The following OXR1 variants were observed in gnomAD, a reference collection of about 807,000 sequenced individuals.
OXR1 encodes oxidation resistance protein 1.
OXR1 carries 41 observed loss-of-function variants against 104.6 expected under a neutral mutation model. That is an observed-to-expected ratio of 0.39 (90% CI 0.31 to 0.51). The LOEUF is 0.51. Ranked by LOEUF, OXR1 falls within the 20% of genes least tolerant of loss-of-function variation. The pLI, the probability that OXR1 is intolerant of heterozygous loss-of-function variation, is 0.77. For missense variants in OXR1, 955 were observed against 1,031.9 expected (o/e 0.93, Z 1.02); for synonymous variants, 348 against 348.4 (o/e 1.00, Z 0.01).
chr8:106,306,426 T>C (rs971664029), intron 1 of OXR1, among the ~76,000 whole-genome samples: 1 of 152,038 alleles, frequency 6.6e-6, no homozygotes, highest in African/African-American at 2.4e-5. Context: ...ATTAAAATAG[T>C]TCAAGATATT....
At chr8:106,738,475 A>G (rs921456475) in intron 12 of OXR1, among the ~76,000 whole-genome samples, 9 of 152,242 alleles carry the variant, frequency 5.9e-5, no homozygotes, top group South Asian at 2.1e-4. Flanking sequence ...TTAAAGGAAC[A>G]AAATAATTTA....
At chr8:106,322,610 C>T (rs376887867) in intron 1 of OXR1, among the ~76,000 whole-genome samples, 16 of 152,224 alleles carry the variant, frequency 1.1e-4, no homozygotes, top group Middle Eastern at 3.4e-3. Context: ...TGTTTGCAGA[C>T]GACATGATTC....
chr8:106,424,858 T>C (rs1403376163), intron 2 of OXR1, among the ~76,000 whole-genome samples: 3 of 152,116 alleles, frequency 2.0e-5, no homozygotes, highest in Non-Finnish European at 4.4e-5. Flanking sequence ...TTAGTGAGGA[T>C]AAATGCTTTT....
chr8:106,517,737 C>G (rs1208843795), intron 2 of OXR1, among the ~76,000 whole-genome samples: 1 of 152,102 alleles, frequency 6.6e-6, no homozygotes, highest in Non-Finnish European at 1.5e-5. Context: ...TGTTGCCAAT[C>G]TGAGTTACGT....
At chr8:106,688,528 C>G (rs1337849475) in intron 6 of OXR1, among the ~76,000 whole-genome samples, 1 of 152,010 alleles carries the variant, frequency 6.6e-6, no homozygotes, top group Non-Finnish European at 1.5e-5. Context: ...ATTAAATCTT[C>G]CTTTTTAAGG....
intron 1 of OXR1, 46 bp from the exon 2 acceptor site, chr8:106,359,430 C>T: frequency 1.8e-6 from 1 of 561,236 alleles, no homozygotes. Flanking sequence ...TGACAAACCA[C>T]ATAGACCAGG....
At position 106,707,029 on chromosome 8, in the gene OXR1, G is replaced by A. The variant is rs1309139302; in HGVS notation, c.1508G>A (p.Arg503His). The change falls in exon 9 of 17, where the codon CGC becomes CAC. Residue 503 changes from arginine to histidine, a missense_variant. Arg to His is a conservative substitution (Grantham distance 29). Coordinates refer to ENST00000517566, the MANE Select transcript of OXR1 (RefSeq NM_001198533.2). ...TCACAGACAGAGGCAGAAGAGCTACGCAAACTTTGGAAAACCCATACTATG... is the reference window on the plus strand; with the variant it reads ...TCACAGACAGAGGCAGAAGAGCTACACAAACTTTGGAAAACCCATACTATG... ...QDSQTEAEEL[R>H]KLWKTHTMQQ... The A allele has an allele frequency of 1.2e-6, 2 of 1,613,866 alleles. No homozygotes were observed. The highest frequency in any genetic ancestry group is 1.7e-6 in the Non-Finnish European group (2 of 1,179,928).
chr8:106,643,739 G>A (rs935891684), intron 3 of OXR1, among the ~76,000 whole-genome samples: 4 of 152,046 alleles, frequency 2.6e-5, no homozygotes, highest in African/African-American at 4.8e-5. Context: ...CAAACCCTGC[G>A]TTCTGGCTCT....
At chr8:106,664,367 C>T (rs1244956068) in intron 3 of OXR1, among the ~76,000 whole-genome samples, 1 of 152,212 alleles carries the variant, frequency 6.6e-6, no homozygotes, top group Non-Finnish European at 1.5e-5. Flanking sequence ...TGAGAATTTG[C>T]ATTTCTAACA....
intron 2 of OXR1, among the ~76,000 whole-genome samples, chr8:106,447,641 TC>T (rs1411602694): frequency 6.6e-6 from 1 of 152,226 alleles, no homozygotes; most frequent in Admixed American, 6.5e-5. Context: ...ATACTTGTGT[TC>T]CTTGGTTAAA....
chr8:106,582,023 CAA>C (rs71307074), intron 3 of OXR1, among the ~76,000 whole-genome samples: 2,610 of 69,474 alleles, frequency 0.038, 23 homozygotes, highest in African/African-American at 0.099. Context: ...GACTCTGTCT[CAA>C]AAAAAAAAAA....
At chr8:106,646,089 C>CT (rs760715864) in intron 3 of OXR1, among the ~76,000 whole-genome samples, 5 of 151,888 alleles carry the variant, frequency 3.3e-5, no homozygotes, top group Non-Finnish European at 7.4e-5. Context: ...TGTTCATCTT[C>CT]TTTTTTCTCT....
intron 3 of OXR1, among the ~76,000 whole-genome samples, chr8:106,568,595 C>A (rs1817244699): frequency 6.6e-6 from 1 of 152,058 alleles, no homozygotes; most frequent in African/African-American, 2.4e-5. Flanking sequence ...CTGCTGTTCC[C>A]TTTTCCTTTT....
chr8:106,473,552 A>G (rs1216007118), intron 2 of OXR1, among the ~76,000 whole-genome samples: 1 of 151,920 alleles, frequency 6.6e-6, no homozygotes, highest in Non-Finnish European at 1.5e-5. Context: ...TAAAGTAACC[A>G]TAAAGGCTTT....
At chr8:106,470,486 G>A (rs1038605350) in intron 2 of OXR1, among the ~76,000 whole-genome samples, 1 of 151,754 alleles carries the variant, frequency 6.6e-6, no homozygotes, top group Non-Finnish European at 1.5e-5. Context: ...GAAAGACTGG[G>A]GGGTAGAATA....
At chr8:106,698,645 T>C (rs1587141391) in intron 7 of OXR1, among the ~76,000 whole-genome samples, 1 of 152,288 alleles carries the variant, frequency 6.6e-6, no homozygotes, top group South Asian at 2.1e-4. Context: ...ATTTTTTTTC[T>C]GCCATGGCTA....
chr8:106,735,355 T>A (rs1361913999), intron 11 of OXR1, among the ~76,000 whole-genome samples: 10 of 152,070 alleles, frequency 6.6e-5, no homozygotes, highest in Non-Finnish European at 1.3e-4. Context: ...ATTTGTGACA[T>A]GAAAGAAACT....
chr8:106,353,366 A>AATG (rs1338452131), intron 1 of OXR1, among the ~76,000 whole-genome samples: 3 of 57,612 alleles, frequency 5.2e-5, no homozygotes, highest in East Asian at 1.1e-3. Flanking sequence ...TCTGTCTCAA[A>AATG]ATAATAATAA....
intron 3 of OXR1, among the ~76,000 whole-genome samples, chr8:106,651,983 ATTTATTTC>A (rs1824619427): frequency 6.6e-6 from 1 of 152,006 alleles, no homozygotes; most frequent in South Asian, 2.1e-4. Flanking sequence ...CCTTGGATAG[ATTTATTTC>A]TAAGTATTTT....
Sources: allele counts gnomAD v4.1 joint callset (sites outside exome capture counted in the v4.1 genomes callset), GRCh38; gene constraint gnomAD v4.1.1; transcripts MANE v1.5; gene names NCBI Gene and HGNC (gene_info 2026-07-23, HGNC 2026-07-21).